The following PPP2R5A variants were observed in gnomAD, a reference collection of about 807,000 sequenced individuals.
PPP2R5A encodes protein phosphatase 2 regulatory subunit B'alpha, also known as serine/threonine-protein phosphatase 2A 56 kDa regulatory subunit alpha isoform.
In PPP2R5A, 25 loss-of-function variants were observed where a neutral mutation model predicts 64.2. The observed-to-expected ratio is 0.39, with a 90% CI of 0.28 to 0.54. PPP2R5A has a LOEUF of 0.54. Among genes scored for constraint, PPP2R5A ranks in the 20% least tolerant of loss-of-function variants. PPP2R5A has a pLI of 0.67. For missense variants in PPP2R5A, 425 were observed against 576.3 expected (o/e 0.74, Z 2.69); for synonymous variants, 198 against 201.2 (o/e 0.98, Z 0.13).
chr1:212,335,476 A>C (rs1279474783), intron 3 of PPP2R5A, among the ~76,000 whole-genome samples: 5 of 95,282 alleles, frequency 5.2e-5, no homozygotes, highest in Non-Finnish European at 2.7e-5. Flanking sequence ...ACTCCGGCTC[A>C]AAAAAAAAAA....
intron 1 of PPP2R5A, among the ~76,000 whole-genome samples, chr1:212,304,821 C>T (rs938103662): frequency 6.6e-6 from 1 of 150,702 alleles, no homozygotes; most frequent in African/African-American, 2.4e-5. Context: ...CAACCCCCAC[C>T]TCACAGGTTC....
intron 1 of PPP2R5A, among the ~76,000 whole-genome samples, chr1:212,326,755 A>C (rs1278769616): frequency 1.3e-5 from 2 of 152,384 alleles, no homozygotes; most frequent in Admixed American, 6.5e-5. Context: ...AGGAAATGTT[A>C]ATACAAGTTC....
intron 1 of PPP2R5A, among the ~76,000 whole-genome samples, chr1:212,295,533 C>G (rs941708568): frequency 4.6e-5 from 7 of 152,118 alleles, no homozygotes; most frequent in African/African-American, 1.7e-4. Context: ...GAAGTAGAAG[C>G]AACTGCCCAC....
At chr1:212,350,075 A>G (rs1249435756) in intron 8 of PPP2R5A, among the ~76,000 whole-genome samples, 1 of 152,244 alleles carries the variant, frequency 6.6e-6, no homozygotes, top group Non-Finnish European at 1.5e-5. Context: ...AATATTTAGT[A>G]AATAGCAAAG....
At chr1:212,335,226 T>A (rs1659571730) in intron 3 of PPP2R5A, among the ~76,000 whole-genome samples, 1 of 152,140 alleles carries the variant, frequency 6.6e-6, no homozygotes, top group African/African-American at 2.4e-5. Context: ...ACACCTGTAA[T>A]CCCAGCACTT....
At chr1:212,351,831 CTT>C (rs983709579) in intron 8 of PPP2R5A, among the ~76,000 whole-genome samples, 6 of 152,030 alleles carry the variant, frequency 3.9e-5, no homozygotes, top group Non-Finnish European at 8.8e-5. Flanking sequence ...ACTTTCAAAA[CTT>C]TTATTTTTTT....
chr1:212,330,859 A>T (rs1217215953), intron 2 of PPP2R5A, among the ~76,000 whole-genome samples: 2 of 151,792 alleles, frequency 1.3e-5, no homozygotes, highest in African/African-American at 4.9e-5. Flanking sequence ...CTTCAAAAAA[A>T]AATTTTTTTT....
Position 212,316,587 on chromosome 1 carries a change from C to CTTTTTT in PPP2R5A, c.182-12527_182-12522dup, listed in dbSNP as rs751228809. ...ATGGATATTTAACCTTTGTGGGTGA[C>CTTTTTT]TTTTTTTTTTTTTTTTTTTTTTTTT... On this transcript the variant is annotated intron_variant, in intron 1 of 12. Transcript: ENST00000261461. Among the ~76,000 whole-genome samples, 21 of 36,690 alleles carry CTTTTTT rather than the reference C, an allele frequency of 5.7e-4. 1 individual carries two copies. Among genetic ancestry groups the CTTTTTT allele is most frequent in the South Asian group, 1.9e-3 (1 of 522 alleles). 24.1% of individuals were successfully genotyped at this position (36,690 alleles called of 152,430 possible).
intron 4 of PPP2R5A, among the ~76,000 whole-genome samples, chr1:212,345,162 TAA>T (rs74849931): frequency 2.3e-4 from 29 of 127,300 alleles, no homozygotes; most frequent in Admixed American, 2.4e-4. Context: ...AAGACTGTCT[TAA>T]AAAAAAAAAA....
chr1:212,355,938 G>A (rs371469202), intron 8 of PPP2R5A, among the ~76,000 whole-genome samples: 5 of 151,874 alleles, frequency 3.3e-5, no homozygotes, highest in South Asian at 2.1e-4. Context: ...GGTGGTGGGC[G>A]CCTATAATCC....
intron 5 of PPP2R5A, among the ~76,000 whole-genome samples, chr1:212,346,302 G>A (rs1300953177): frequency 6.6e-6 from 1 of 151,674 alleles, no homozygotes; most frequent in Non-Finnish European, 1.5e-5. Flanking sequence ...TACTATGTAT[G>A]TTGCCCAGGC....
intron 1 of PPP2R5A, chr1:212,319,375 A>C (rs1659217154): frequency 1.3e-5 from 2 of 152,224 alleles, no homozygotes; most frequent in Non-Finnish European, 2.9e-5. Flanking sequence ...CATCTCTTGC[A>C]GGGAGAATGC....
At chr1:212,322,647 C>T (rs1469483558) in intron 1 of PPP2R5A, among the ~76,000 whole-genome samples, 1 of 152,178 alleles carries the variant, frequency 6.6e-6, no homozygotes, top group African/African-American at 2.4e-5. Flanking sequence ...ATGGCCTACT[C>T]TTCACAACTG....
chr1:212,321,257 T>G (rs1324344026), intron 1 of PPP2R5A, among the ~76,000 whole-genome samples: 1 of 112,730 alleles, frequency 8.9e-6, no homozygotes, highest in South Asian at 3.2e-4. Context: ...CACTTCCCAG[T>G]AGGGGCGGCC....
In PPP2R5A at chr1:212,345,905, A is replaced by G; in HGVS notation, c.676A>G (p.Arg226Gly). 6.2e-7 allele frequency: 1 copy of G among 1,607,568 alleles called. No homozygotes were observed. Reference protein sequence around the residue: ...GKFLGLRAFIRKQINNIFLRF... With the variant: ...GKFLGLRAFIGKQINNIFLRF... ...ATTTCTTGGATTAAGAGCATTCATC[A>G]GAAAACAAATTAACAACATTTTCCT... Residue 226 changes from arginine (R) to glycine (G), a missense_variant, in exon 5 of 13, where the codon AGA (arginine) becomes GGA (glycine). By Grantham distance (125) the Arg-to-Gly change is moderately radical (BLOSUM62 -2). Transcript: ENST00000261461.
At chr1:212,357,818 A>AAAAAAAGG in intron 11 of PPP2R5A, 1 of 151,284 alleles carries the variant, frequency 6.6e-6, no homozygotes. Flanking sequence ...AAAAAAAAAA[A>AAAAAAAGG]GAGAGTCTTG....
intron 11 of PPP2R5A, chr1:212,358,129 T>C (rs983161585): frequency 2.6e-5 from 4 of 152,188 alleles, no homozygotes; most frequent in Non-Finnish European, 5.9e-5. Flanking sequence ...ATTGCAAATC[T>C]CCCTGGAGGT....
intron 8 of PPP2R5A, 28 bp downstream of exon 8, chr1:212,349,270 T>C: frequency 6.6e-7 from 1 of 1,509,400 alleles, no homozygotes; most frequent in Non-Finnish European, 9.1e-7. Context: ...TTTCATGTTT[T>C]TGGTCTGCAT....
chr1:212,347,457 A>C (rs1659803167), intron 6 of PPP2R5A, 51 bp downstream of exon 6: 1 of 1,350,518 alleles, frequency 7.4e-7, no homozygotes, highest in Non-Finnish European at 1.0e-6. Flanking sequence ...TGAATGTTTT[A>C]TGTATTAAAA....
Sources: allele counts gnomAD v4.1 joint callset (sites outside exome capture counted in the v4.1 genomes callset), GRCh38; gene constraint gnomAD v4.1.1; transcripts MANE v1.5; gene names NCBI Gene and HGNC (gene_info 2026-07-23, HGNC 2026-07-21).